The following PARP10 variants were observed in gnomAD, a reference collection of about 807,000 sequenced individuals.
PARP10 encodes the protein poly(ADP-ribose) polymerase family member 10.
Under a neutral mutation model 82.4 loss-of-function variants are expected in PARP10, and 56 were observed. That is an observed-to-expected ratio of 0.68 (90% confidence interval 0.55 to 0.85). The LOEUF (loss-of-function observed/expected upper bound fraction) is 0.85, where lower values mean the gene tolerates loss of function less well. PARP10 is among the 40% of genes least tolerant of loss of function. The probability of loss-of-function intolerance (pLI) is 0.00; values close to 1 mark genes in which losing one functional copy is unlikely to be tolerated. For missense variants in PARP10, 1,227 were observed against 1,379.4 expected (o/e 0.89, Z 1.75); for synonymous variants, 576 against 601.1 (o/e 0.96, Z 0.61).
At chr8:143,991,385 G>T, upstream of PARP10, 1 of 1,187,094 alleles carries the variant, frequency 8.4e-7, no homozygotes, top group Non-Finnish European at 1.2e-6. Context: ...CCTACGGTCA[G>T]CCAGGGTACC....
chr8:143,977,754 G>T lies in PARP10; in HGVS notation c.2808C>A (p.Asn936Lys). The change falls in exon 11 of 11, where the codon AAC (asparagine) becomes AAA (lysine). Residue 936 changes from asparagine (N) to lysine (K), a missense_variant. By Grantham distance (94) the Asn-to-Lys change is moderately conservative. Coordinates refer to ENST00000313028, the MANE Select transcript of PARP10 (RefSeq NM_032789.5). ...CGAACACCGCCTTATGGCCATCGGC[G>T]TTGGGGGGCGAGTAGCGGTCCTGCA... The part of the protein sequence containing the change: ...LSVQDRYSPP[N>K]ADGHKAVFVA... The T allele has an allele frequency of 1.2e-5, 20 of 1,603,958 alleles. No homozygotes were observed. Among genetic ancestry groups the T allele is most frequent in the South Asian group, 3.3e-5 (3 of 89,804 alleles).
Position 144,008,563 on chromosome 8 carries a change from A to G in PARP10, c.-80+3967T>C, listed in dbSNP as rs1263891968. Among the ~76,000 whole-genome samples the G allele has an allele frequency of 1.3e-5, 2 of 152,176 alleles. No homozygotes were observed. Among genetic ancestry groups the G allele is most frequent in the Non-Finnish European group, 2.9e-5 (2 of 68,026 alleles). On this transcript the variant is annotated intron_variant, in intron 1 of 3. Coordinates refer to the PARP10 transcript ENST00000530478. This position sits in a 1 kb window ranked among gnomAD's most constrained non-coding sequence, Gnocchi z 4.0. ...GCCCCTAACGGGCCGGGAGGAGCGC[A>G]AACCCCGAGTGCACCCCAGGAGGTT... is the stretch of plus-strand genomic sequence containing the variant.
chr8:143,977,682 C>A lies in PARP10; in HGVS notation c.2880G>T (p.Leu960=). 6.3e-7 allele frequency: 1 copy of A among 1,592,260 alleles called. No individual in the cohort carries two copies. The highest frequency in any genetic ancestry group is 8.5e-7 in the Non-Finnish European group (1 of 1,170,210). The change falls in exon 11 of 11, where the codon CTG becomes CTT. Residue 960 remains leucine, a synonymous_variant. Coordinates refer to ENST00000313028, the MANE Select transcript of PARP10 (RefSeq NM_032789.5). ...CAGGACCCCGCAGAGGGGGCGCCCG[C>A]AGACCGCGGCGGCCCTGCCCGTAGT... ...TGDYGQGRRG[L]RAPPLRGPGH...
chr8:143,991,800 G>T (rs1834102322), upstream of PARP10: 1 of 1,611,744 alleles, frequency 6.2e-7, no homozygotes. Flanking sequence ...GCCTTCATCC[G>T]CAAGGTGGGT....
In PARP10 at chr8:143,984,313, C is replaced by T. The variant is rs1833933715; in HGVS notation, c.1577G>A (p.Gly526Asp). The T allele has an allele frequency of 4.3e-6, 7 of 1,613,970 alleles. No homozygotes were observed. Among genetic ancestry groups the T allele is most frequent in the Non-Finnish European group, 5.1e-6 (6 of 1,179,984 alleles). The change falls in exon 6 of 11, where the codon GGC (glycine) becomes GAC (aspartate). Residue 526 changes from glycine to aspartate, a missense_variant. Physicochemically the swap from Gly to Asp is moderately conservative, Grantham distance 94. Transcript: ENST00000313028. ...CTGGAGAAGGTGCTGCCCTTCTGGG[C>T]CCAGGAGAAACCTGGCGCTGCCCGG... ...EHPGSARFLL[G>D]PEGQHLLQGL...
At position 143,985,439 on chromosome 8, in the gene PARP10, T is replaced by C. The variant is rs769913263; in HGVS notation, c.646A>G (p.Thr216Ala). 2.5e-6 allele frequency: 4 copies of C among 1,611,382 alleles called. No homozygotes were observed. Among genetic ancestry groups the C allele is most frequent in the Non-Finnish European group, 3.4e-6 (4 of 1,178,914 alleles). The change falls in exon 4 of 11, where the codon ACT becomes GCT. Residue 216 changes from threonine to alanine, a missense_variant. By Grantham distance (58) the Thr-to-Ala change is moderately conservative. Coordinates refer to ENST00000313028, the MANE Select transcript of PARP10 (RefSeq NM_032789.5). Reference protein sequence around the residue: ...DLQRLPGPLGTVASFQQWQVA... With the variant: ...DLQRLPGPLGAVASFQQWQVA... ...TGCCACTGCTGGAAGGAGGCAACAGTGCCCAGGGGCCCGGGTAGGCGTTGC... is the reference window on the plus strand; with the variant it reads ...TGCCACTGCTGGAAGGAGGCAACAGCGCCCAGGGGCCCGGGTAGGCGTTGC...
At chr8:144,012,601 G>T in exon 1 of PARP10, 4 of 1,551,756 alleles carry the variant, frequency 2.6e-6, no homozygotes, top group Non-Finnish European at 3.5e-6. Flanking sequence ...AAGTTGGTGC[G>T]GCTCATTCGG....
Position 144,001,070 on chromosome 8 carries a change from C to T in PARP10, c.-80+11460G>A, listed in dbSNP as rs567308300. On this transcript the variant is annotated intron_variant, in intron 1 of 3. Coordinates refer to the PARP10 transcript ENST00000530478. ...CTGGGACTACAGGCGCCTGCCACCA[C>T]GCCTGGCTAATTTTTTTGTATTTTT... Among the ~76,000 whole-genome samples the T allele has an allele frequency of 2.4e-3, 360 of 151,858 alleles. 1 individual carries two copies. The highest frequency in any genetic ancestry group is 3.5e-3 in the Non-Finnish European group (238 of 67,956).
At chr8:143,991,142 G>A, upstream of PARP10, 1 of 922,248 alleles carries the variant, frequency 1.1e-6, no homozygotes, top group Non-Finnish European at 1.6e-6. Flanking sequence ...GCGCAGGGCT[G>A]GGTCCCGACG....
At chr8:143,978,902 A>G (rs1234801512) in intron 9 of PARP10, among the ~76,000 whole-genome samples, 1 of 152,190 alleles carries the variant, frequency 6.6e-6, no homozygotes, top group East Asian at 1.9e-4. Flanking sequence ...ACAATGAGGA[A>G]AGACAACGCC....
upstream of PARP10, chr8:143,992,386 C>A (rs1328047054): frequency 1.2e-6 from 2 of 1,608,146 alleles, no homozygotes; most frequent in African/African-American, 2.7e-5. Flanking sequence ...GAGGGGCCTC[C>A]CGTGGCTGGG....
chr8:143,984,781 T>C lies in PARP10; in HGVS notation c.1221A>G (p.Ser407=). 1 of 1,612,012 alleles carries C rather than the reference T, an allele frequency of 6.2e-7. No individual in the cohort carries two copies. Among genetic ancestry groups the C allele is most frequent in the East Asian group, 2.2e-5 (1 of 44,756 alleles). The part of the protein sequence containing the change: ...QEGLVEIAMD[S]PEQEGLVGPM... ...GACCCACCAGCCCCTCTTGCTCTGG[T>C]GAGTCCATGGCAATTTCCACCAGGC... Residue 407 remains serine, a synonymous_variant, in exon 5 of 11, where the codon TCA becomes TCG. Coordinates refer to ENST00000313028, the MANE Select transcript of PARP10 (RefSeq NM_032789.5).
intron 1 of PARP10, among the ~76,000 whole-genome samples, chr8:144,003,362 G>A (rs1554751830): frequency 1.3e-5 from 2 of 148,834 alleles, no homozygotes; most frequent in African/African-American, 5.0e-5. Flanking sequence ...GGCGAAGGTT[G>A]CAGTGAGCCA....
At chr8:143,988,210 C>T (rs1354712690), upstream of PARP10, among the ~76,000 whole-genome samples, 4 of 46,142 alleles carry the variant, frequency 8.7e-5, no homozygotes, top group East Asian at 6.6e-4. Context: ...AGTGAAGTGC[C>T]GTGATCTCGG....
In PARP10 at chr8:143,985,559, G is replaced by T; in HGVS notation, c.526C>A (p.Arg176Ser). The T allele has an allele frequency of 1.2e-6, 2 of 1,613,930 alleles. No homozygotes were observed. Among genetic ancestry groups the T allele is most frequent in the South Asian group, 1.1e-5 (1 of 91,080 alleles). The change falls in exon 4 of 11, where the codon CGT (arginine) becomes AGT (serine). Residue 176 changes from arginine to serine, a missense_variant. Transcript: ENST00000313028. ...LARVPQARAVRVVGDGASVDL... is the reference protein window; with the variant it reads ...LARVPQARAVSVVGDGASVDL... ...ACAGAGGCACCATCCCCCACCACAC[G>T]CACCGCTCGGGCCTGGGGAACCCGG... is the stretch of plus-strand genomic sequence containing the variant.
upstream of PARP10, among the ~76,000 whole-genome samples, chr8:143,989,254 G>A (rs569157912): frequency 6.6e-6 from 1 of 152,322 alleles, no homozygotes; most frequent in Non-Finnish European, 1.5e-5. This position sits in a 1 kb window ranked among gnomAD's most constrained non-coding sequence, Gnocchi z 4.3. Flanking sequence ...TCCCCCAAGA[G>A]GACTTGGGAG....
At position 143,977,963 on chromosome 8, in the gene PARP10, G is replaced by C; in HGVS notation, c.2675C>G (p.Pro892Arg). ...EQVLYHGTTAPAVPDICAHGF... is the reference protein window; with the variant it reads ...EQVLYHGTTARAVPDICAHGF... Reference sequence around the variant, plus strand: ...GTGGGCGCAGATGTCAGGCACTGCCGGTGCCGTCGTGCCGTGGTACAGCAC... The same window carrying C: ...GTGGGCGCAGATGTCAGGCACTGCCCGTGCCGTCGTGCCGTGGTACAGCAC... The change falls in exon 10 of 11, where the codon CCG (proline) becomes CGG (arginine). Residue 892 changes from proline (P) to arginine (R), a missense_variant. By Grantham distance (103) the Pro-to-Arg change is moderately radical. Coordinates refer to ENST00000313028, the MANE Select transcript of PARP10 (RefSeq NM_032789.5). 2 of 1,599,650 alleles carry C rather than the reference G, an allele frequency of 1.3e-6. No homozygotes were observed. The highest frequency in any genetic ancestry group is 1.7e-6 in the Non-Finnish European group (2 of 1,179,210).
Position 143,986,050 on chromosome 8 carries a change from C to T in PARP10, c.181+5G>A, listed in dbSNP as rs782332246. Reference sequence around the variant, plus strand: ...CCAGGCTGTCCCTTCAGCCAGCCCTCTCACCTGCAGGCTCTCTGAAGGTGA... The same window carrying T: ...CCAGGCTGTCCCTTCAGCCAGCCCTTTCACCTGCAGGCTCTCTGAAGGTGA... On this transcript the variant is annotated splice_donor_5th_base_variant and intron_variant, in intron 2 of 10. Transcript: ENST00000313028. The T allele has an allele frequency of 1.4e-5, 22 of 1,612,462 alleles. No homozygotes were observed. The highest frequency in any genetic ancestry group is 1.9e-5 in the Non-Finnish European group (22 of 1,178,828).
intron 1 of PARP10, 58 bp from the exon 2 acceptor site, chr8:143,986,291 C>T (rs1243400465): frequency 2.5e-6 from 4 of 1,613,560 alleles, no homozygotes; most frequent in East Asian, 2.2e-5. Context: ...CCTGCCCCTC[C>T]CCAGGCCCCT....
Sources: allele counts gnomAD v4.1 joint callset (sites outside exome capture counted in the v4.1 genomes callset), GRCh38; gene constraint gnomAD v4.1.1; non-coding constraint Gnocchi (gnomAD v3.1); transcripts MANE v1.5; gene names NCBI Gene and HGNC (gene_info 2026-07-23, HGNC 2026-07-21).